The following GPHN variants were observed in gnomAD, a reference collection of about 807,000 sequenced individuals.
GPHN encodes the protein gephyrin.
A neutral mutation model predicts 95.5 loss-of-function variants in GPHN; 17 were observed. The ratio of observed to expected loss-of-function variants is 0.18; its 90% CI spans 0.12 to 0.27. The LOEUF is 0.27. GPHN is among the 10% of genes least tolerant of loss of function. The pLI, the probability that GPHN is intolerant of heterozygous loss-of-function variation, is 1.00. For missense variants in GPHN, 660 were observed against 978.1 expected, an observed-to-expected ratio of 0.67 and a Z score of 4.34; for synonymous variants, 320 against 322.5, an observed-to-expected ratio of 0.99 and a Z score of 0.08.
At chr14:66,932,444 GTTTTTTT>G (rs35159325) in intron 8 of GPHN, among the ~76,000 whole-genome samples, 7 of 24,392 alleles carry the variant, frequency 2.9e-4, no homozygotes, top group Admixed American at 2.2e-3. Flanking sequence ...CCAAGACCAG[GTTTTTTT>G]TTTTTTTTTT....
intron 1 of GPHN, among the ~76,000 whole-genome samples, chr14:66,526,478 T>C (rs1044868108): frequency 3.3e-5 from 5 of 152,344 alleles, no homozygotes; most frequent in African/African-American, 1.2e-4. Flanking sequence ...TATTGCTTTC[T>C]CTTGCCTGAT....
At chr14:67,338,725 C>G in the GPHN span, 1 of 1,613,478 alleles carries the variant, frequency 6.2e-7, no homozygotes, top group Non-Finnish European at 8.5e-7. Flanking sequence ...TCAGATTTTT[C>G]CTTTAGAATC....
At chr14:66,803,408 T>A (rs1235773257) in intron 3 of GPHN, among the ~76,000 whole-genome samples, 2 of 152,208 alleles carry the variant, frequency 1.3e-5, no homozygotes. Context: ...GAGTTTGAGT[T>A]TTACGAAGGT....
Position 66,563,565 on chromosome 14 carries a change from G to T in GPHN, c.64+54974G>T, listed in dbSNP as rs947847267. On this transcript the variant is annotated intron_variant, in intron 1 of 22. Transcript: ENST00000478722. ...GACCAATCCTTTCTCTAAAGGAAAT[G>T]TAAGCAATCCTAAGCTAGTAACTAA... Among the ~76,000 whole-genome samples the T allele has an allele frequency of 2.0e-5, 3 of 152,298 alleles. No individual in the cohort carries two copies. In the South Asian group the frequency reaches 6.2e-4, roughly 32 times the overall value.
intron 3 of GPHN, among the ~76,000 whole-genome samples, chr14:66,816,172 A>G (rs138505605): frequency 6.6e-6 from 1 of 152,314 alleles, no homozygotes; most frequent in East Asian, 1.9e-4. Context: ...GTTCTTAGGG[A>G]CCTTCAAAGA....
the GPHN span, among the ~76,000 whole-genome samples, chr14:67,631,320 T>A: frequency 6.6e-6 from 1 of 152,334 alleles, no homozygotes; most frequent in Admixed American, 6.5e-5. Flanking sequence ...AATGAACAGA[T>A]GAACAGTGTA....
chr14:67,014,488 T>C (rs781760484), intron 9 of GPHN, among the ~76,000 whole-genome samples: 12 of 152,134 alleles, frequency 7.9e-5, no homozygotes, highest in Admixed American at 2.6e-4. Context: ...TTCTCATCGC[T>C]AAGAGAAACA....
the GPHN span, chr14:67,335,196 T>G: frequency 6.6e-6 from 1 of 152,230 alleles, no homozygotes; most frequent in Non-Finnish European, 1.5e-5. Flanking sequence ...GATAGAAATG[T>G]CCTAAACTTT....
the GPHN span, among the ~76,000 whole-genome samples, chr14:67,662,056 T>G: frequency 1.3e-5 from 2 of 151,626 alleles, no homozygotes; most frequent in African/African-American, 4.9e-5. Flanking sequence ...CTTGGGAGGC[T>G]GAGGCAGGAG....
At chr14:67,581,450 TG>T in the GPHN span, 1 of 175,786 alleles carries the variant, frequency 5.7e-6, no homozygotes, top group Non-Finnish European at 1.2e-5. Flanking sequence ...CACTTAAACC[TG>T]GGAGGTTGAG....
the GPHN span, chr14:67,200,367 CT>C: frequency 1.6e-6 from 1 of 627,114 alleles, no homozygotes; most frequent in East Asian, 3.2e-5. Flanking sequence ...TTCCCAATAT[CT>C]TTTCGATACC....
At chr14:66,876,500 A>T (rs1311195517) in intron 4 of GPHN, among the ~76,000 whole-genome samples, 3 of 152,190 alleles carry the variant, frequency 2.0e-5, no homozygotes, top group Non-Finnish European at 2.9e-5. Context: ...ATAGAACACT[A>T]GCCAGACTAA....
chr14:67,469,646 C>CTGGTGG, the GPHN span, among the ~76,000 whole-genome samples: 35 of 150,094 alleles, frequency 2.3e-4, no homozygotes, highest in African/African-American at 5.4e-4. Context: ...GGGCAGCGGC[C>CTGGTGG]TGGTGGTGGT....
chr14:67,028,659 G>A (rs978579305), intron 10 of GPHN, among the ~76,000 whole-genome samples: 3 of 152,136 alleles, frequency 2.0e-5, no homozygotes, highest in African/African-American at 7.2e-5. Context: ...CCATAGGTAT[G>A]TCCTCTTTTG....
intron 1 of GPHN, among the ~76,000 whole-genome samples, chr14:66,569,005 T>C (rs2060569091): frequency 6.6e-6 from 1 of 152,152 alleles, no homozygotes; most frequent in African/African-American, 2.4e-5. Context: ...TAAAATGTAT[T>C]GTGTTGTATA....
the GPHN span, among the ~76,000 whole-genome samples, chr14:67,236,063 C>T: frequency 2.0e-5 from 3 of 152,198 alleles, no homozygotes; most frequent in South Asian, 4.1e-4. Context: ...AACATTACCT[C>T]GCATACCATT....
At chr14:67,292,476 A>T in the GPHN span, 32 of 1,389,342 alleles carry the variant, frequency 2.3e-5, no homozygotes, top group Non-Finnish European at 3.3e-5. Flanking sequence ...ATACTGAAAC[A>T]GTTAATTTTT....
chr14:67,462,572 G>T, the GPHN span, among the ~76,000 whole-genome samples: 57 of 152,312 alleles, frequency 3.7e-4, no homozygotes, highest in East Asian at 6.6e-3. Flanking sequence ...TCAAACTCCT[G>T]AGCTCAGGCA....
At chr14:66,591,906 T>C (rs2061665251) in intron 1 of GPHN, among the ~76,000 whole-genome samples, 1 of 152,140 alleles carries the variant, frequency 6.6e-6, no homozygotes, top group Admixed American at 6.5e-5. Flanking sequence ...ATTCAAACTG[T>C]ACTACAAAGG....
Sources: allele counts gnomAD v4.1 joint callset (sites outside exome capture counted in the v4.1 genomes callset), GRCh38; gene constraint gnomAD v4.1.1; transcripts MANE v1.5; gene names NCBI Gene and HGNC (gene_info 2026-07-23, HGNC 2026-07-21).